Variants in PDE1A observed in about 807,000 individuals in gnomAD.
The protein encoded by PDE1A is phosphodiesterase 1A, also known as dual specificity calcium/calmodulin-dependent 3',5'-cyclic nucleotide phosphodiesterase 1A.
A neutral mutation model predicts 61.7 loss-of-function variants in PDE1A; 35 were observed. That is an observed-to-expected ratio of 0.57 (90% confidence interval 0.43 to 0.75). The LOEUF (loss-of-function observed/expected upper bound fraction) is 0.75, where lower values mean the gene tolerates loss of function less well. Among genes scored for constraint, PDE1A ranks in the 30% least tolerant of loss-of-function variants. The pLI, the probability that PDE1A is intolerant of heterozygous loss-of-function variation, is 0.00. For missense variants in PDE1A, 597 were observed against 630.6 expected, an observed-to-expected ratio of 0.95 and a Z score of 0.57; for synonymous variants, 232 against 213.2, an observed-to-expected ratio of 1.09 and a Z score of -0.77.
the PDE1A span, among the ~76,000 whole-genome samples, chr2:182,627,191 ATAT>A: frequency 5.1e-3 from 126 of 24,878 alleles, 12 homozygotes; most frequent in Middle Eastern, 0.042. Flanking sequence ...TAAAATATAA[ATAT>A]TATATTATTT....
At chr2:182,210,483 C>A (rs775818383) in intron 7 of PDE1A, among the ~76,000 whole-genome samples, 2 of 152,068 alleles carry the variant, frequency 1.3e-5, no homozygotes, top group Non-Finnish European at 2.9e-5. Flanking sequence ...GTTTTTGGTT[C>A]ATTTTTAAAT....
chr2:182,685,458 C>G, the PDE1A span, among the ~76,000 whole-genome samples: 3 of 152,238 alleles, frequency 2.0e-5, no homozygotes, highest in East Asian at 5.8e-4. Flanking sequence ...ACAACATTGA[C>G]TTTGGAGTCA....
chr2:182,363,679 C>T (rs999234082), intron 1 of PDE1A, among the ~76,000 whole-genome samples: 3 of 152,048 alleles, frequency 2.0e-5, no homozygotes, highest in African/African-American at 7.2e-5. Context: ...AGAAAAAAGG[C>T]TGCAAAAGGC....
chr2:182,562,019 T>A, the PDE1A span, among the ~76,000 whole-genome samples: 1 of 151,176 alleles, frequency 6.6e-6, no homozygotes, highest in Middle Eastern at 3.2e-3. Context: ...CAATTTGACT[T>A]CCTCTTTTCC....
chr2:182,365,398 C>T (rs1699779906), intron 1 of PDE1A, among the ~76,000 whole-genome samples: 1 of 151,868 alleles, frequency 6.6e-6, no homozygotes, highest in Non-Finnish European at 1.5e-5. Flanking sequence ...TAGATGATTC[C>T]TCTGCTGGCA....
rs115774272 is a variant in PDE1A, at chr2:182,154,807, A to G, written c.1517-7655T>C. On this transcript the variant is annotated intron_variant, in intron 13 of 13. Coordinates refer to the PDE1A transcript ENST00000409365. ...TACTACAGAAATCATTTAAAAAACAATTCTTAAATTTTCTGGTTTGTTACC... is the reference window on the plus strand; with the variant it reads ...TACTACAGAAATCATTTAAAAAACAGTTCTTAAATTTTCTGGTTTGTTACC... 5.2e-3 allele frequency among the ~76,000 whole-genome samples: 797 copies of G among 152,282 alleles called. 3 individuals are homozygous for G. The highest frequency in any genetic ancestry group is 0.017 in the African/African-American group (720 of 41,550).
the PDE1A span, among the ~76,000 whole-genome samples, chr2:182,596,313 C>T: frequency 2.0e-5 from 3 of 152,068 alleles, no homozygotes; most frequent in African/African-American, 7.2e-5. Context: ...AAGGGGAGTC[C>T]GAAGAGCACA....
intron 1 of PDE1A, among the ~76,000 whole-genome samples, chr2:182,380,357 C>G (rs557145352): frequency 3.2e-4 from 48 of 151,976 alleles, no homozygotes; most frequent in African/African-American, 1.1e-3. Flanking sequence ...CGTGATCCAC[C>G]CGTCTCGGCC....
Position 182,186,051 on chromosome 2 carries a change from C to A in PDE1A, c.1357G>T (p.Ala453Ser), listed in dbSNP as rs764692634. 1.9e-6 allele frequency: 3 copies of A among 1,614,002 alleles called. 1 individual carries two copies. In the South Asian group the frequency reaches 3.3e-5, roughly 18 times the overall value. ...GTATTTGATCGTCTTAGTGCATCAG[C>A]AATGTGTAACCCCACAATGGTGGTT... Residue 453 changes from alanine to serine, a missense_variant, in exon 13 of 14, where the codon GCT (alanine) becomes TCT (serine). Physicochemically the swap from Ala to Ser is moderately conservative, Grantham distance 99 (BLOSUM62 1). Transcript: ENST00000351439.
At chr2:182,630,880 TC>T in the PDE1A span, among the ~76,000 whole-genome samples, 1 of 152,094 alleles carries the variant, frequency 6.6e-6, no homozygotes, top group Non-Finnish European at 1.5e-5. Context: ...TTCTTTCCCT[TC>T]CATTTTCTTA....
At chr2:182,463,070 G>A (rs917804485) in intron 2 of PDE1A, among the ~76,000 whole-genome samples, 3 of 151,602 alleles carry the variant, frequency 2.0e-5, no homozygotes, top group South Asian at 2.1e-4. Context: ...GAGAAACCCC[G>A]TCTCTACTAA....
At chr2:182,311,418 A>C (rs1695963019) in intron 1 of PDE1A, among the ~76,000 whole-genome samples, 1 of 152,226 alleles carries the variant, frequency 6.6e-6, no homozygotes, top group South Asian at 2.1e-4. Flanking sequence ...AAGTTTTAGC[A>C]AATGTATATA....
chr2:182,344,620 T>C (rs1698400957), intron 1 of PDE1A, among the ~76,000 whole-genome samples: 1 of 152,226 alleles, frequency 6.6e-6, no homozygotes, highest in Non-Finnish European at 1.5e-5. Flanking sequence ...AGTGTATTTC[T>C]ATCTTTACCT....
intron 1 of PDE1A, among the ~76,000 whole-genome samples, chr2:182,380,141 T>C: frequency 7.0e-6 from 1 of 142,584 alleles, no homozygotes; most frequent in Non-Finnish European, 1.5e-5. Flanking sequence ...GACAGAGTCT[T>C]GCTCTGTCGC....
At chr2:182,373,282 C>G (rs1403337884) in intron 1 of PDE1A, among the ~76,000 whole-genome samples, 1 of 152,078 alleles carries the variant, frequency 6.6e-6, no homozygotes, top group Non-Finnish European at 1.5e-5. Context: ...GTGGTACTGT[C>G]AGGAGAACAA....
At chr2:182,623,404 A>C in the PDE1A span, among the ~76,000 whole-genome samples, 1 of 152,224 alleles carries the variant, frequency 6.6e-6, no homozygotes, top group South Asian at 2.1e-4. Flanking sequence ...AAAGACAGAA[A>C]AAAAACATTA....
intron 2 of PDE1A, among the ~76,000 whole-genome samples, chr2:182,505,721 C>T (rs992299649): frequency 3.3e-5 from 5 of 152,140 alleles, no homozygotes; most frequent in African/African-American, 9.7e-5. Context: ...CTTTCTAAGC[C>T]TTTGATTGTG....
chr2:182,645,915 C>T, the PDE1A span, among the ~76,000 whole-genome samples: 111 of 152,182 alleles, frequency 7.3e-4, no homozygotes, highest in African/African-American at 2.6e-3. Flanking sequence ...AAGAATTTGC[C>T]TAAAATATAT....
chr2:182,584,977 G>C, the PDE1A span, among the ~76,000 whole-genome samples: 2 of 152,210 alleles, frequency 1.3e-5, no homozygotes, highest in Admixed American at 6.5e-5. Context: ...CAATAAACCT[G>C]GACGTAAAAA....
Sources: allele counts gnomAD v4.1 joint callset (sites outside exome capture counted in the v4.1 genomes callset), GRCh38; gene constraint gnomAD v4.1.1; transcripts MANE v1.5; gene names NCBI Gene and HGNC (gene_info 2026-07-23, HGNC 2026-07-21).